VPS41: variants seen among roughly 807,000 people sequenced by gnomAD.
The protein encoded by VPS41 is vacuolar protein sorting-associated protein 41 homolog.
A neutral mutation model predicts 130.9 loss-of-function variants in VPS41; 85 were observed. That is an observed-to-expected ratio of 0.65 (90% CI 0.55 to 0.78). The LOEUF (loss-of-function observed/expected upper bound fraction) is 0.78. VPS41 is among the 30% of genes least tolerant of loss of function. The probability of loss-of-function intolerance (pLI) is 0.00; values close to 1 mark genes in which losing one functional copy is unlikely to be tolerated. For synonymous variants in VPS41, 335 were observed against 332.9 expected (o/e 1.01, Z -0.07); for missense variants, 874 against 1,018.7 (o/e 0.86, Z 1.93).
chr7:38,725,343 A>C lies in VPS41; in HGVS notation c.*903T>G, dbSNP rs1795516635. The stretch of plus-strand genomic sequence containing the variant: ...GGGCAATGGAGGCACCAGAGAAGGC[A>C]AGAGGAAACATCATTAGTCCGTCCT... On this transcript the variant is annotated 3_prime_UTR_variant, in exon 29 of 29. Coordinates refer to ENST00000310301, the MANE Select transcript of VPS41 (RefSeq NM_014396.4). 6.6e-6 allele frequency: 1 copy of C among 152,260 alleles called. No individual in the cohort carries two copies. The highest frequency in any genetic ancestry group is 2.1e-4 in the South Asian group (1 of 4,832). The allele number at this position is 152,260 out of a possible 1,614,324, so 9.4% of individuals were successfully genotyped here. A position where few individuals can be genotyped will look rare whatever the true frequency, so the allele number is the denominator to read the frequency against.
chr7:38,801,045 G>C (rs1189643599), intron 7 of VPS41, among the ~76,000 whole-genome samples: 1 of 152,156 alleles, frequency 6.6e-6, no homozygotes, highest in East Asian at 1.9e-4. Flanking sequence ...GTTATACTTG[G>C]TGTGCTCCGA....
chr7:38,786,823 G>GCA (rs1362505157), intron 10 of VPS41, among the ~76,000 whole-genome samples: 2 of 151,888 alleles, frequency 1.3e-5, no homozygotes, highest in South Asian at 2.1e-4. Context: ...TCACTCCTGG[G>GCA]CACACACACA....
intron 28 of VPS41, 40 bp from the exon 29 acceptor site, chr7:38,726,366 CT>C (rs1156235013): frequency 2.6e-5 from 39 of 1,495,484 alleles, no homozygotes; most frequent in Non-Finnish European, 3.4e-5. Flanking sequence ...AAAAAATGAT[CT>C]TCTTTTTCTA....
intron 19 of VPS41, among the ~76,000 whole-genome samples, chr7:38,756,542 A>G (rs575521018): frequency 2.0e-5 from 3 of 152,330 alleles, no homozygotes; most frequent in African/African-American, 7.2e-5. Context: ...TTGTTTCTAT[A>G]AATTATATGA....
rs1786137220 is a variant in VPS41 at position 38,862,466 on chromosome 7, A to T, written c.246+79T>A. Reference sequence around the variant, plus strand: ...AGATCCTCTTTATGCTATTAAAACAAACTGGTAAACCAATATTCTAAAACA... The same window carrying T: ...AGATCCTCTTTATGCTATTAAAACATACTGGTAAACCAATATTCTAAAACA... On this transcript the variant is annotated intron_variant, in intron 4 of 28. Transcript: ENST00000310301. 8 of 894,270 alleles carry T rather than the reference A, an allele frequency of 8.9e-6. No homozygotes were observed. In the South Asian group the frequency reaches 1.4e-4, roughly 15 times the overall value. The allele number at this position is 894,270 out of a possible 1,614,324, so 55.4% of individuals were successfully genotyped here.
chr7:38,870,085 G>T (rs1357356996), intron 2 of VPS41, among the ~76,000 whole-genome samples: 1 of 152,178 alleles, frequency 6.6e-6, no homozygotes, highest in Non-Finnish European at 1.5e-5. Flanking sequence ...ACAAGAGGCT[G>T]AGAACCCAAG....
chr7:38,895,352 AC>A (rs1380347692), intron 2 of VPS41, among the ~76,000 whole-genome samples: 2 of 150,302 alleles, frequency 1.3e-5, no homozygotes, highest in East Asian at 1.9e-4. Flanking sequence ...AATAAAAAAA[AC>A]AAACCACGTT....
At chr7:38,901,211 G>T (rs1192234877) in intron 1 of VPS41, among the ~76,000 whole-genome samples, 1 of 152,238 alleles carries the variant, frequency 6.6e-6, no homozygotes, top group Non-Finnish European at 1.5e-5. Flanking sequence ...GGAGGATGTA[G>T]TGGGGAGTTA....
chr7:38,892,461 A>AT (rs1392108870), intron 2 of VPS41, among the ~76,000 whole-genome samples: 2 of 152,144 alleles, frequency 1.3e-5, no homozygotes, highest in African/African-American at 4.8e-5. Context: ...ATAACTGTTC[A>AT]TTTTTGTAAT....
At chr7:38,805,233 A>T (rs905992045) in intron 7 of VPS41, among the ~76,000 whole-genome samples, 1 of 152,190 alleles carries the variant, frequency 6.6e-6, no homozygotes, top group African/African-American at 2.4e-5. Flanking sequence ...CAAGCCCTTC[A>T]CACAATTCAA....
intron 2 of VPS41, among the ~76,000 whole-genome samples, chr7:38,880,505 A>G (rs1376003131): frequency 6.6e-6 from 1 of 152,128 alleles, no homozygotes; most frequent in African/African-American, 2.4e-5. Flanking sequence ...CAAATCCCTC[A>G]CAACTGCCCA....
At position 38,728,146 on chromosome 7, in the gene VPS41, T is replaced by G. The variant is rs989279908; in HGVS notation, c.2404+396A>C. 7.9e-5 allele frequency among the ~76,000 whole-genome samples: 12 copies of G among 152,222 alleles called. 1 individual carries two copies. The highest frequency in any genetic ancestry group is 1.8e-4 in the Non-Finnish European group (12 of 68,040). On this transcript the variant is annotated intron_variant, in intron 27 of 28. Coordinates refer to ENST00000310301, the MANE Select transcript of VPS41 (RefSeq NM_014396.4). The stretch of plus-strand genomic sequence containing the variant: ...AAATTTAAATGCTGATGGTTAGTTT[T>G]CATTTTGTTTTTACCCTAGACTAGC...
Position 38,800,479 on chromosome 7 carries a change from T to C in VPS41, c.451-3615A>G, listed in dbSNP as rs1010732172. Among the ~76,000 whole-genome samples, 24 of 152,336 alleles carry C rather than the reference T, an allele frequency of 1.6e-4. No homozygotes were observed. The South Asian group carries it at 4.6e-3, about 29-fold the overall frequency. ...TAATGGGAATGAAAATCCATTCTCT[T>C]ATTTTTACAATCAGGAAAACTTAGG... On this transcript the variant is annotated intron_variant, in intron 7 of 28. Coordinates refer to ENST00000310301, the MANE Select transcript of VPS41 (RefSeq NM_014396.4).
chr7:38,737,379 A>G (rs1472761097), intron 25 of VPS41, among the ~76,000 whole-genome samples: 2 of 152,132 alleles, frequency 1.3e-5, no homozygotes, highest in Non-Finnish European at 2.9e-5. Context: ...TCAAAAAAAT[A>G]AAAATAAAAA....
intron 11 of VPS41, among the ~76,000 whole-genome samples, chr7:38,774,997 G>A (rs1351153011): frequency 1.3e-5 from 2 of 152,178 alleles, no homozygotes; most frequent in African/African-American, 4.8e-5. Context: ...TAATGCCCAT[G>A]AAAACAGGGC....
chr7:38,880,004 A>G (rs1159107444), intron 2 of VPS41, among the ~76,000 whole-genome samples: 1 of 152,200 alleles, frequency 6.6e-6, no homozygotes, highest in East Asian at 1.9e-4. Context: ...TACCATATGC[A>G]GCGCATATAC....
At chr7:38,885,991 TGA>T (rs1313974660) in intron 2 of VPS41, among the ~76,000 whole-genome samples, 3 of 151,806 alleles carry the variant, frequency 2.0e-5, no homozygotes, top group Non-Finnish European at 2.9e-5. Flanking sequence ...ACCCTCTGAA[TGA>T]GAGAGAGAAA....
chr7:38,871,922 A>G (rs1786373535), intron 2 of VPS41, among the ~76,000 whole-genome samples: 1 of 152,194 alleles, frequency 6.6e-6, no homozygotes, highest in South Asian at 2.1e-4. Flanking sequence ...CAGCCTTCCA[A>G]GTAGCTAAGA....
At chr7:38,804,783 T>C (rs944515743) in intron 7 of VPS41, among the ~76,000 whole-genome samples, 3 of 152,370 alleles carry the variant, frequency 2.0e-5, no homozygotes, top group Non-Finnish European at 4.4e-5. Context: ...ACTACTAATC[T>C]GCAATTGCTG....
Sources: allele counts gnomAD v4.1 joint callset (sites outside exome capture counted in the v4.1 genomes callset), GRCh38; gene constraint gnomAD v4.1.1; transcripts MANE v1.5; gene names NCBI Gene and HGNC (gene_info 2026-07-23, HGNC 2026-07-21).